Variants in DSCAML1 observed in about 807,000 individuals in gnomAD.
The protein encoded by DSCAML1 is DS cell adhesion molecule like 1, also known as cell adhesion molecule DSCAML1.
In DSCAML1, 38 loss-of-function variants were observed where a neutral mutation model predicts 200.5. The observed-to-expected ratio is 0.19, with a 90% CI of 0.15 to 0.25. DSCAML1 has a LOEUF of 0.25. Among genes scored for constraint, DSCAML1 ranks in the 10% least tolerant of loss-of-function variants. The probability of loss-of-function intolerance (pLI) is 1.00; values close to 1 mark genes in which losing one functional copy is unlikely to be tolerated. For missense variants in DSCAML1, 2,223 were observed against 2,858.8 expected (o/e 0.78, Z 5.07); for synonymous variants, 1,215 against 1,165.0 (o/e 1.04, Z -0.87).
chr11:117,657,667 A>G (rs2052761944), intron 3 of DSCAML1, among the ~76,000 whole-genome samples: 1 of 152,170 alleles, frequency 6.6e-6, no homozygotes, highest in South Asian at 2.1e-4. Flanking sequence ...AAAATGATCA[A>G]CAGCCCAAAT....
chr11:117,606,129 G>T (rs564901063), intron 3 of DSCAML1, among the ~76,000 whole-genome samples: 1 of 152,248 alleles, frequency 6.6e-6, no homozygotes, highest in East Asian at 1.9e-4. Flanking sequence ...CCATAGAGCC[G>T]TGGCGACTCC....
chr11:117,487,577 T>C (rs1156331645), intron 11 of DSCAML1, among the ~76,000 whole-genome samples: 1 of 152,202 alleles, frequency 6.6e-6, no homozygotes, highest in Non-Finnish European at 1.5e-5. Flanking sequence ...CCGGTATCAC[T>C]GGGAATGCGA....
intron 3 of DSCAML1, among the ~76,000 whole-genome samples, chr11:117,718,212 C>T (rs2053985261): frequency 6.6e-6 from 1 of 152,240 alleles, no homozygotes; most frequent in South Asian, 2.1e-4. Flanking sequence ...AGAAGCCACT[C>T]ACGCACCCCG....
intron 3 of DSCAML1, among the ~76,000 whole-genome samples, chr11:117,549,205 T>C (rs1289875471): frequency 6.6e-6 from 1 of 152,176 alleles, no homozygotes; most frequent in Non-Finnish European, 1.5e-5. Context: ...AGCCCCACAA[T>C]GAGTGGCTGC....
At chr11:117,493,748 C>T (rs1307176705) in intron 11 of DSCAML1, among the ~76,000 whole-genome samples, 2 of 152,166 alleles carry the variant, frequency 1.3e-5, no homozygotes, top group Admixed American at 6.5e-5. Context: ...CTGCCTCAGC[C>T]TCCTCAGTAG....
chr11:117,473,891 A>G (rs576919962), intron 14 of DSCAML1, among the ~76,000 whole-genome samples: 1 of 152,180 alleles, frequency 6.6e-6, no homozygotes, highest in African/African-American at 2.4e-5. Flanking sequence ...GGTTTGGGAC[A>G]GAACAGGCTA....
intron 3 of DSCAML1, among the ~76,000 whole-genome samples, chr11:117,663,106 A>G (rs1412973046): frequency 1.3e-5 from 2 of 152,180 alleles, no homozygotes; most frequent in African/African-American, 4.8e-5. Context: ...CAGCAGGAAG[A>G]AGGCAAAGGC....
intron 31 of DSCAML1, 92 bp downstream of exon 31, chr11:117,431,442 G>C: frequency 8.1e-7 from 1 of 1,234,256 alleles, no homozygotes; most frequent in Non-Finnish European, 1.1e-6. Flanking sequence ...CCCATGAGCT[G>C]GTGGGTAGAA....
chr11:117,442,333 A>AT (rs2048080188), intron 21 of DSCAML1, among the ~76,000 whole-genome samples: 2 of 150,100 alleles, frequency 1.3e-5, no homozygotes, highest in South Asian at 2.1e-4. Flanking sequence ...TAGTGTGTAT[A>AT]GTGTGTATGT....
chr11:117,626,199 A>AC lies in DSCAML1; in HGVS notation c.512-93678dup, dbSNP rs758854447. ...TTTAGCACAGCCCACTCTTGCTGAGACCCCCCCCCCTCCTTCTTCTGGCAT... is the reference window on the plus strand; with the variant it reads ...TTTAGCACAGCCCACTCTTGCTGAGACCCCCCCCCCCTCCTTCTTCTGGCAT... On this transcript the variant is annotated intron_variant, in intron 3 of 32. Coordinates refer to ENST00000651296, the MANE Select transcript of DSCAML1 (RefSeq NM_020693.4). Among the ~76,000 whole-genome samples the AC allele has an allele frequency of 6.8e-3, 885 of 129,660 alleles. 22 individuals are homozygous for AC. The East Asian group carries it at 0.096, about 14-fold the overall frequency. The allele number at this position is 129,660 out of a possible 152,430, so 85.1% of individuals were successfully genotyped here.
chr11:117,705,251 T>A (rs2053739957), intron 3 of DSCAML1, among the ~76,000 whole-genome samples: 1 of 152,206 alleles, frequency 6.6e-6, no homozygotes, highest in Non-Finnish European at 1.5e-5. Context: ...GGCCGGGTAG[T>A]GCTTGGTGGC....
At position 117,505,086 on chromosome 11, in the gene DSCAML1, C is replaced by T. The variant is rs765930736; in HGVS notation, c.2063-43G>A. The T allele has an allele frequency of 1.9e-6, 3 of 1,592,474 alleles. No homozygotes were observed. The East Asian group carries it at 6.8e-5, about 36-fold the overall frequency. ...GTAGGGAAACAGACCATTTTAGTCT[C>T]TGATGGGTCTCCTAGGGCTTCGAGC... On this transcript the variant is annotated intron_variant, in intron 9 of 32. Transcript: ENST00000651296. This position sits in a 1 kb window ranked among gnomAD's most constrained non-coding sequence, Gnocchi z 6.7.
chr11:117,797,222 G>GGCGGCTCCTCCCTCC, upstream of DSCAML1: 2 of 1,485,404 alleles, frequency 1.3e-6, no homozygotes, highest in Non-Finnish European at 1.8e-6. Context: ...CGGCTGCGGC[G>GGCGGCTCCTCCCTCC]GCGGCTCCTC....
At chr11:117,545,779 C>G (rs918902461) in intron 3 of DSCAML1, among the ~76,000 whole-genome samples, 1 of 152,162 alleles carries the variant, frequency 6.6e-6, no homozygotes, top group Non-Finnish European at 1.5e-5. Context: ...GGGAATGGGT[C>G]GTTAACACAG....
chr11:117,671,491 C>G (rs566237432), intron 3 of DSCAML1, among the ~76,000 whole-genome samples: 5 of 152,298 alleles, frequency 3.3e-5, no homozygotes, highest in African/African-American at 1.2e-4. Flanking sequence ...TACCAAGACC[C>G]CAATGCCTCT....
intron 3 of DSCAML1, among the ~76,000 whole-genome samples, chr11:117,594,269 T>C (rs1468353369): frequency 6.6e-6 from 1 of 152,210 alleles, no homozygotes; most frequent in Non-Finnish European, 1.5e-5. Flanking sequence ...CTTTGACATT[T>C]TGGGGAGGCA....
At chr11:117,659,232 G>A (rs1164931852) in intron 3 of DSCAML1, among the ~76,000 whole-genome samples, 1 of 152,218 alleles carries the variant, frequency 6.6e-6, no homozygotes, top group Non-Finnish European at 1.5e-5. Flanking sequence ...GTGGTCAATG[G>A]AACAGAAGAA....
rs765741362 is a variant in DSCAML1 at position 117,428,755 on chromosome 11, C to T, written c.5735G>A (p.Arg1912Gln). Reference sequence around the variant, plus strand: ...GCAGGGCTCACGTCCATCTGCCTTTCGAAAGAAGGCCTCTGACTTGGCATA... The same window carrying T: ...GCAGGGCTCACGTCCATCTGCCTTTTGAAAGAAGGCCTCTGACTTGGCATA... ...PLYAKSEAFF[R>Q]KADGREPCPV... The change falls in exon 33 of 33, where the codon CGA (arginine) becomes CAA (glutamine). Residue 1912 changes from arginine (R) to glutamine (Q), a missense_variant. Physicochemically the swap from Arg to Gln is conservative, Grantham distance 43 (BLOSUM62 1). Coordinates refer to ENST00000651296, the MANE Select transcript of DSCAML1 (RefSeq NM_020693.4). 2.8e-5 allele frequency: 45 copies of T among 1,611,794 alleles called. No homozygotes were observed. Among genetic ancestry groups the T allele is most frequent in the South Asian group, 3.3e-5 (3 of 90,376 alleles).
At chr11:117,443,781 G>T in intron 21 of DSCAML1, 105 bp downstream of exon 21, 2 of 1,451,722 alleles carry the variant, frequency 1.4e-6, no homozygotes, top group Non-Finnish European at 1.8e-6. Context: ...CAGCTGGGTG[G>T]CAGATAAAGC....
Sources: allele counts gnomAD v4.1 joint callset (sites outside exome capture counted in the v4.1 genomes callset), GRCh38; gene constraint gnomAD v4.1.1; non-coding constraint Gnocchi (gnomAD v3.1); transcripts MANE v1.5; gene names NCBI Gene and HGNC (gene_info 2026-07-23, HGNC 2026-07-21).